The following VRK2 variants were observed in gnomAD, a reference collection of about 807,000 sequenced individuals.
VRK2 encodes serine/threonine-protein kinase VRK2.
VRK2 carries 60 observed loss-of-function variants against 57.6 expected under a neutral mutation model. The ratio of observed to expected loss-of-function variants is 1.04; its 90% CI spans 0.85 to 1.29. The LOEUF (loss-of-function observed/expected upper bound fraction) is 1.29, where lower values mean the gene tolerates loss of function less well. Ranked by LOEUF, VRK2 falls within the 50% of genes most tolerant of loss-of-function variation. The pLI, the probability that VRK2 is intolerant of heterozygous loss-of-function variation, is 0.00. For synonymous variants in VRK2, 231 were observed against 199.2 expected, an observed-to-expected ratio of 1.16 and a Z score of -1.35; for missense variants, 705 against 588.1, an observed-to-expected ratio of 1.20 and a Z score of -2.06.
At chr2:57,942,268 A>G (rs1671119908) in intron 1 of VRK2, among the ~76,000 whole-genome samples, 1 of 152,216 alleles carries the variant, frequency 6.6e-6, no homozygotes, top group South Asian at 2.1e-4. Context: ...ATATTTTAAG[A>G]ACAGTGAAAT....
chr2:57,982,863 C>A (rs1349838251), intron 1 of VRK2, among the ~76,000 whole-genome samples: 2 of 152,182 alleles, frequency 1.3e-5, no homozygotes, highest in African/African-American at 2.4e-5. Flanking sequence ...CACACCAAAC[C>A]ATCAAGGCTC....
intron 3 of VRK2, among the ~76,000 whole-genome samples, chr2:58,033,887 G>C (rs1248775874): frequency 6.6e-6 from 1 of 151,838 alleles, no homozygotes; most frequent in African/African-American, 2.4e-5. Flanking sequence ...AAAAGAAATG[G>C]GCATGGTTTC....
At chr2:58,009,334 G>C (rs1443272250) in intron 1 of VRK2, among the ~76,000 whole-genome samples, 1 of 151,806 alleles carries the variant, frequency 6.6e-6, no homozygotes, top group Non-Finnish European at 1.5e-5. Context: ...ACTAGTGTCT[G>C]AGAAAGCAAC....
chr2:58,088,136 T>A (rs1269450118), intron 5 of VRK2, among the ~76,000 whole-genome samples: 1 of 152,246 alleles, frequency 6.6e-6, no homozygotes, highest in African/African-American at 2.4e-5. Flanking sequence ...AGCATTCTCT[T>A]ATAGAAAATC....
At chr2:58,155,537 G>T (rs541589049) in intron 12 of VRK2, among the ~76,000 whole-genome samples, 1 of 152,182 alleles carries the variant, frequency 6.6e-6, no homozygotes, top group South Asian at 2.1e-4. Context: ...TACAGGCTGG[G>T]AAAGGTTGTC....
At position 58,063,679 on chromosome 2, in the gene VRK2, T is replaced by A. The variant is rs568603207; in HGVS notation, c.136+14712T>A. 6.6e-5 allele frequency among the ~76,000 whole-genome samples: 10 copies of A among 152,230 alleles called. No individual in the cohort carries two copies. The South Asian group carries it at 2.1e-3, about 32-fold the overall frequency. ...GTTGTTTTCATGCCTGCTAACATAG[T>A]GTCCCTTCTGTAGCTCATGGATCAA... On this transcript the variant is annotated intron_variant, in intron 2 of 12. Transcript: ENST00000340157.
chr2:57,948,509 A>C (rs751084556), intron 1 of VRK2, among the ~76,000 whole-genome samples: 6 of 152,168 alleles, frequency 3.9e-5, no homozygotes, highest in Non-Finnish European at 7.4e-5. Context: ...ATGATAGTTA[A>C]TGCAAAGAAG....
At chr2:57,949,858 A>G (rs1304286741) in intron 1 of VRK2, among the ~76,000 whole-genome samples, 1 of 152,206 alleles carries the variant, frequency 6.6e-6, no homozygotes, top group Non-Finnish European at 1.5e-5. Context: ...AATCCAGTGA[A>G]CACACAAATG....
At chr2:57,961,740 A>C (rs1187773894) in intron 1 of VRK2, among the ~76,000 whole-genome samples, 1 of 151,962 alleles carries the variant, frequency 6.6e-6, no homozygotes, top group East Asian at 1.9e-4. Flanking sequence ...AGACATCAAT[A>C]CTTTCCAGTT....
chr2:58,151,731 G>GTTTTTCTTTTTTTTTTTT (rs1683071258), intron 12 of VRK2, among the ~76,000 whole-genome samples: 1 of 16,722 alleles, frequency 6.0e-5, no homozygotes, highest in Admixed American at 1.1e-3. Context: ...TTCTATGCTT[G>GTTTTTCTTTTTTTTTTTT]TTTTTTTTTT....
intron 1 of VRK2, among the ~76,000 whole-genome samples, chr2:57,991,211 A>C (rs1672756533): frequency 6.6e-6 from 1 of 152,192 alleles, no homozygotes; most frequent in Admixed American, 6.5e-5. Context: ...CACCATCAGT[A>C]CCTTTACTTA....
intron 1 of VRK2, among the ~76,000 whole-genome samples, chr2:57,965,668 TC>T (rs1263238643): frequency 6.6e-6 from 1 of 152,186 alleles, no homozygotes; most frequent in East Asian, 1.9e-4. Flanking sequence ...AAACTGTATT[TC>T]TGATTTAGAC....
chr2:57,965,727 C>G (rs1671896417), intron 1 of VRK2, among the ~76,000 whole-genome samples: 1 of 152,124 alleles, frequency 6.6e-6, no homozygotes, highest in South Asian at 2.1e-4. Flanking sequence ...ACCTCACGTT[C>G]AGCTTATGAC....
chr2:58,045,902 G>A (rs1384895508), upstream of VRK2, among the ~76,000 whole-genome samples: 1 of 152,122 alleles, frequency 6.6e-6, no homozygotes, highest in Non-Finnish European at 1.5e-5. Context: ...GGGGTGCAGT[G>A]GCGCGCTCTC....
intron 11 of VRK2, among the ~76,000 whole-genome samples, chr2:58,144,492 G>A (rs1018910832): frequency 6.6e-6 from 1 of 151,906 alleles, no homozygotes. Flanking sequence ...ACATCACATT[G>A]TATACCTTAT....
intron 9 of VRK2, among the ~76,000 whole-genome samples, chr2:58,134,213 A>C (rs72953112): frequency 0.021 from 3,205 of 152,202 alleles, 125 homozygotes; most frequent in African/African-American, 0.074. Context: ...CTGTACCCCA[A>C]GCAAGGCATT....
At chr2:57,920,690 G>A (rs572612476) in intron 1 of VRK2, among the ~76,000 whole-genome samples, 1 of 152,060 alleles carries the variant, frequency 6.6e-6, no homozygotes, top group African/African-American at 2.4e-5. Context: ...GACACAGTTA[G>A]TGACCTTCTC....
intron 2 of VRK2, among the ~76,000 whole-genome samples, chr2:58,055,903 G>C (rs147933892): frequency 1.3e-5 from 2 of 152,186 alleles, no homozygotes; most frequent in Non-Finnish European, 2.9e-5. Context: ...TAAAAACTTA[G>C]TTAACCAAAA....
chr2:58,151,054 G>A (rs770994122), intron 12 of VRK2, among the ~76,000 whole-genome samples: 64 of 151,782 alleles, frequency 4.2e-4, no homozygotes, highest in Non-Finnish European at 7.7e-4. Context: ...AAAAGGCCTA[G>A]TTTAGTGAAT....
Sources: allele counts gnomAD v4.1 joint callset (sites outside exome capture counted in the v4.1 genomes callset), GRCh38; gene constraint gnomAD v4.1.1; transcripts MANE v1.5; gene names NCBI Gene and HGNC (gene_info 2026-07-23, HGNC 2026-07-21).